The following COL19A1 variants were observed in gnomAD, a reference collection of about 807,000 sequenced individuals.
The protein encoded by COL19A1 is collagen alpha-1(XIX) chain.
Under a neutral mutation model 190.2 loss-of-function variants are expected in COL19A1, and 159 were observed. The observed-to-expected ratio is 0.84, with a 90% CI of 0.73 to 0.95. The LOEUF is 0.95. COL19A1 is among the 40% of genes least tolerant of loss of function. COL19A1 has a pLI of 0.00. For synonymous variants in COL19A1, 509 were observed against 458.9 expected (o/e 1.11, Z -1.39); for missense variants, 1,418 against 1,431.9 (o/e 0.99, Z 0.16).
intron 14 of COL19A1, among the ~76,000 whole-genome samples, chr6:70,061,097 C>T (rs1780803127): frequency 1.3e-5 from 2 of 152,086 alleles, no homozygotes; most frequent in African/African-American, 2.4e-5. Context: ...CACTGTTTGA[C>T]TTTACTAAAC....
At chr6:70,000,313 G>A (rs1227961388) in intron 11 of COL19A1, among the ~76,000 whole-genome samples, 2 of 152,286 alleles carry the variant, frequency 1.3e-5, no homozygotes, top group African/African-American at 2.4e-5. Flanking sequence ...ACTGTAAGTA[G>A]TGCTGCAATA....
At chr6:70,044,347 C>T (rs1412013354) in intron 14 of COL19A1, among the ~76,000 whole-genome samples, 2 of 152,136 alleles carry the variant, frequency 1.3e-5, no homozygotes, top group Non-Finnish European at 2.9e-5. Flanking sequence ...ATTTAATTTC[C>T]TTCAAGAAGT....
At chr6:70,154,731 G>T (rs529468718) in intron 31 of COL19A1, among the ~76,000 whole-genome samples, 3 of 152,296 alleles carry the variant, frequency 2.0e-5, no homozygotes, top group African/African-American at 7.2e-5. Flanking sequence ...CCTTCAGTCT[G>T]TGGCCGAAGG....
chr6:70,040,909 G>T (rs1479033196), intron 14 of COL19A1, among the ~76,000 whole-genome samples: 1 of 152,090 alleles, frequency 6.6e-6, no homozygotes, highest in African/African-American at 2.4e-5. Context: ...AACAATAAAA[G>T]ATATTGAAAT....
chr6:70,030,685 A>G (rs898702928), intron 12 of COL19A1, among the ~76,000 whole-genome samples: 3 of 152,186 alleles, frequency 2.0e-5, no homozygotes, highest in African/African-American at 4.8e-5. Context: ...ACACAAGCAA[A>G]AAGAGAAAAC....
intron 11 of COL19A1, among the ~76,000 whole-genome samples, chr6:69,977,773 T>G (rs1184469964): frequency 6.6e-6 from 1 of 152,164 alleles, no homozygotes; most frequent in Non-Finnish European, 1.5e-5. Context: ...GTTAAGTTCC[T>G]GAAGCAACTT....
At chr6:70,086,928 C>A (rs905474514) in intron 15 of COL19A1, among the ~76,000 whole-genome samples, 1 of 152,144 alleles carries the variant, frequency 6.6e-6, no homozygotes, top group Non-Finnish European at 1.5e-5. Context: ...AGAGGATAAA[C>A]CAATGGACAC....
At chr6:69,958,767 A>G (rs1220503418) in intron 9 of COL19A1, among the ~76,000 whole-genome samples, 1 of 152,208 alleles carries the variant, frequency 6.6e-6, no homozygotes, top group Non-Finnish European at 1.5e-5. Context: ...CTCTGGTAAG[A>G]ACCACTAAAA....
chr6:69,964,815 A>G (rs1263781414), intron 11 of COL19A1, among the ~76,000 whole-genome samples: 1 of 152,198 alleles, frequency 6.6e-6, no homozygotes, highest in African/African-American at 2.4e-5. Context: ...TATAAGATTC[A>G]TGTAATAACC....
At chr6:70,112,466 A>T (rs1393224771) in intron 16 of COL19A1, among the ~76,000 whole-genome samples, 1 of 152,122 alleles carries the variant, frequency 6.6e-6, no homozygotes, top group Non-Finnish European at 1.5e-5. Context: ...TTATGGATGG[A>T]TAAGCAGAAT....
chr6:69,998,834 ATTTGT>A (rs1365931209), intron 11 of COL19A1, among the ~76,000 whole-genome samples: 2 of 152,228 alleles, frequency 1.3e-5, no homozygotes, highest in South Asian at 2.1e-4. Context: ...ATTTTGCTGT[ATTTGT>A]TTTATCACAT....
At chr6:69,984,184 TAAGGAGAACTAC>T (rs1776193469) in intron 11 of COL19A1, among the ~76,000 whole-genome samples, 1 of 152,156 alleles carries the variant, frequency 6.6e-6, no homozygotes, top group African/African-American at 2.4e-5. Flanking sequence ...CCAGTGGTTA[TAAGGAGAACTAC>T]ATAAAATATA....
chr6:69,933,974 T>A (rs1772946475), intron 7 of COL19A1, among the ~76,000 whole-genome samples: 1 of 151,980 alleles, frequency 6.6e-6, no homozygotes, highest in Non-Finnish European at 1.5e-5. Context: ...TTTCTTTGGA[T>A]CTTAGATTTC....
chr6:69,997,296 T>C (rs1378492558), intron 11 of COL19A1, among the ~76,000 whole-genome samples: 2 of 152,064 alleles, frequency 1.3e-5, no homozygotes, highest in East Asian at 1.9e-4. Flanking sequence ...ATTAGGTTAT[T>C]TGGACACAGG....
At chr6:70,171,617 G>T (rs1765506363) in intron 40 of COL19A1, among the ~76,000 whole-genome samples, 1 of 152,090 alleles carries the variant, frequency 6.6e-6, no homozygotes, top group African/African-American at 2.4e-5. Flanking sequence ...GCACCAGGTA[G>T]CTCACAAATT....
chr6:70,190,169 G>A (rs929931768), intron 47 of COL19A1, 146 bp from the exon 48 acceptor site: 1 of 641,126 alleles, frequency 1.6e-6, no homozygotes, highest in African/African-American at 1.9e-5. Context: ...GATATTTATT[G>A]CCCAATATAA....
intron 9 of COL19A1, among the ~76,000 whole-genome samples, chr6:69,956,151 A>G (rs572947064): frequency 4.0e-4 from 61 of 152,124 alleles, no homozygotes; most frequent in African/African-American, 1.4e-3. Flanking sequence ...ATAGATTTTA[A>G]GAGAGTAGAT....
chr6:69,929,098 T>C (rs1281869632), intron 5 of COL19A1, among the ~76,000 whole-genome samples: 1 of 151,790 alleles, frequency 6.6e-6, no homozygotes, highest in Non-Finnish European at 1.5e-5. Context: ...ATCTATAGTG[T>C]ATATAAATTA....
chr6:69,997,208 A>G (rs1776968358), intron 11 of COL19A1, among the ~76,000 whole-genome samples: 1 of 152,150 alleles, frequency 6.6e-6, no homozygotes, highest in Non-Finnish European at 1.5e-5. Flanking sequence ...CAACCCACCC[A>G]CAGATTGATC....
Sources: allele counts gnomAD v4.1 joint callset (sites outside exome capture counted in the v4.1 genomes callset), GRCh38; gene constraint gnomAD v4.1.1; transcripts MANE v1.5; gene names NCBI Gene and HGNC (gene_info 2026-07-23, HGNC 2026-07-21).